Variants in DOCK1 observed in about 807,000 individuals in gnomAD.
DOCK1 encodes dedicator of cytokinesis 1.
A neutral mutation model predicts 262.7 loss-of-function variants in DOCK1; 138 were observed. The observed-to-expected ratio is 0.53, with a 90% confidence interval of 0.46 to 0.61. DOCK1 has a LOEUF of 0.61. Among genes scored for constraint, DOCK1 ranks in the 20% least tolerant of loss-of-function variants. The pLI is 0.00. For missense variants in DOCK1, 1,908 were observed against 2,370.7 expected (o/e 0.80, Z 4.05); for synonymous variants, 866 against 867.4 (o/e 1.00, Z 0.03).
intron 29 of DOCK1, among the ~76,000 whole-genome samples, chr10:127,317,597 C>G (rs930403701): frequency 2.0e-5 from 3 of 152,132 alleles, no homozygotes; most frequent in African/African-American, 7.2e-5. Context: ...GCACATTCAC[C>G]CATTGATAAT....
rs572834677 is a variant in DOCK1 at position 127,000,777 on chromosome 10, C to T, written c.985+470C>T. ...CTCCGCCATGTTGGTGTTCTTCCTC[C>T]GCCATGTTGGTGTTCTTCCTCCGCC... On this transcript the variant is annotated intron_variant, in intron 10 of 51. Transcript: ENST00000623213. 2.2e-3 allele frequency: 352 copies of T among 162,348 alleles called. 2 individuals are homozygous for T. The highest frequency in any genetic ancestry group is 7.5e-3 in the African/African-American group (310 of 41,554). 10.1% of individuals were successfully genotyped at this position (162,348 alleles called of 1,614,324 possible). A position where few individuals can be genotyped will look rare whatever the true frequency, so the allele number is the denominator to read the frequency against.
chr10:126,994,888 G>A (rs897032764), intron 6 of DOCK1, among the ~76,000 whole-genome samples: 5 of 151,880 alleles, frequency 3.3e-5, no homozygotes, highest in African/African-American at 2.4e-5. Context: ...CTTCCCAGAC[G>A]GGGCGGCCGG....
intron 26 of DOCK1, among the ~76,000 whole-genome samples, chr10:127,126,739 G>A (rs2049988220): frequency 6.6e-6 from 1 of 152,090 alleles, no homozygotes; most frequent in Admixed American, 6.6e-5. Flanking sequence ...CTTGCCCCTA[G>A]CCCTGGACAG....
intron 10 of DOCK1, 84 bp downstream of exon 10, chr10:127,000,391 C>G: frequency 6.6e-7 from 1 of 1,514,450 alleles, no homozygotes; most frequent in Non-Finnish European, 8.9e-7. Flanking sequence ...GTTGATTGGA[C>G]AATGCACAGC....
chr10:127,199,254 A>G (rs2057349580), intron 27 of DOCK1, among the ~76,000 whole-genome samples: 1 of 152,158 alleles, frequency 6.6e-6, no homozygotes, highest in Non-Finnish European at 1.5e-5. Context: ...CAAAATATCC[A>G]CGTCTCTCTT....
chr10:127,107,241 G>C (rs2048586329), intron 24 of DOCK1, among the ~76,000 whole-genome samples: 1 of 152,084 alleles, frequency 6.6e-6, no homozygotes, highest in African/African-American at 2.4e-5. Context: ...TTTTTTACCG[G>C]CCAATGAAGC....
rs937520637 is a variant in DOCK1, at chr10:127,302,746, G to T, written c.3045-36260G>T. Among the ~76,000 whole-genome samples, 13 of 97,794 alleles carry T rather than the reference G, an allele frequency of 1.3e-4. No homozygotes were observed. In the South Asian group the frequency reaches 3.9e-3, roughly 29 times the overall value. The allele number at this position is 97,794 out of a possible 152,430, so 64.2% of individuals were successfully genotyped here. A position where few individuals can be genotyped will look rare whatever the true frequency, so the allele number is the denominator to read the frequency against. On this transcript the variant is annotated intron_variant, in intron 29 of 51. Coordinates refer to ENST00000623213, the MANE Select transcript of DOCK1 (RefSeq NM_001290223.2). ...CCTAACTCTGGAAAAGAGGGGGTGT[G>T]TGTGTGTGTGTGTGTGTGTGTGTGT... is the stretch of plus-strand genomic sequence containing the variant.
chr10:127,363,041 CCACA>C (rs1300901734), intron 33 of DOCK1, among the ~76,000 whole-genome samples: 1 of 19,076 alleles, frequency 5.2e-5, no homozygotes, highest in Non-Finnish European at 1.3e-4. Context: ...GCACCTCCCC[CCACA>C]CACACACACG....
At chr10:127,444,603 C>T (rs73373836) in intron 50 of DOCK1, among the ~76,000 whole-genome samples, 4,439 of 152,198 alleles carry the variant, frequency 0.029, 230 homozygotes, top group African/African-American at 0.1. Flanking sequence ...TGCAGGAGGC[C>T]GTGGGCCTGC....
chr10:127,011,733 T>A (rs2041466274), intron 11 of DOCK1, among the ~76,000 whole-genome samples: 1 of 152,024 alleles, frequency 6.6e-6, no homozygotes, highest in East Asian at 1.9e-4. Context: ...ATTGTGTACG[T>A]AGTCCAGGAG....
intron 1 of DOCK1, among the ~76,000 whole-genome samples, chr10:126,947,087 T>A (rs1319009671): frequency 6.6e-6 from 1 of 152,234 alleles, no homozygotes; most frequent in Non-Finnish European, 1.5e-5. Flanking sequence ...CTCCTGCTCT[T>A]TGCCTCAGTC....
At chr10:127,184,399 T>C (rs189777581) in intron 27 of DOCK1, among the ~76,000 whole-genome samples, 3 of 151,232 alleles carry the variant, frequency 2.0e-5, no homozygotes, top group Admixed American at 1.3e-4. Context: ...CCTACTGATT[T>C]CTTCCCTTTA....
rs75903702 is a variant in DOCK1 at position 127,262,154 on chromosome 10, C to T, written c.3044+4725C>T. 4.5e-3 allele frequency among the ~76,000 whole-genome samples: 513 copies of T among 113,046 alleles called. 6 individuals are homozygous for T. Among genetic ancestry groups the T allele is most frequent in the African/African-American group, 0.017 (475 of 28,658 alleles). The allele number at this position is 113,046 out of a possible 152,430, so 74.2% of individuals were successfully genotyped here. On this transcript the variant is annotated intron_variant, in intron 29 of 51. Coordinates refer to ENST00000623213, the MANE Select transcript of DOCK1 (RefSeq NM_001290223.2). ...TACCCGTGCTCGTCTGTGTGTGTACCTGTATGTGTGTGCATGTGGGTGTGT... is the reference window on the plus strand; with the variant it reads ...TACCCGTGCTCGTCTGTGTGTGTACTTGTATGTGTGTGCATGTGGGTGTGT...
At chr10:127,291,136 T>C (rs1234796606) in intron 29 of DOCK1, among the ~76,000 whole-genome samples, 1 of 152,170 alleles carries the variant, frequency 6.6e-6, no homozygotes, top group Admixed American at 6.5e-5. Flanking sequence ...AGACATCCCT[T>C]GTTCTCACTT....
chr10:127,046,545 G>A (rs1457976239), intron 21 of DOCK1, among the ~76,000 whole-genome samples: 1 of 152,040 alleles, frequency 6.6e-6, no homozygotes, highest in Non-Finnish European at 1.5e-5. Context: ...TTTGAGGTCA[G>A]GAGTTCAATA....
intron 1 of DOCK1, among the ~76,000 whole-genome samples, chr10:126,924,986 TGC>T (rs1198571984): frequency 1.3e-5 from 2 of 152,274 alleles, no homozygotes; most frequent in Non-Finnish European, 2.9e-5. Flanking sequence ...TGCACATAGG[TGC>T]ATCAGCTTTG....
chr10:127,091,066 C>G (rs1478857985), intron 23 of DOCK1, among the ~76,000 whole-genome samples: 1 of 150,786 alleles, frequency 6.6e-6, no homozygotes, highest in Non-Finnish European at 1.5e-5. Flanking sequence ...ACTGCAAGCT[C>G]TGCCTCCTGG....
chr10:127,350,524 G>A (rs1014496627), intron 31 of DOCK1, among the ~76,000 whole-genome samples: 1 of 152,184 alleles, frequency 6.6e-6, no homozygotes, highest in African/African-American at 2.4e-5. Flanking sequence ...GAGCCAAGCT[G>A]AGCCCACTGT....
intron 1 of DOCK1, among the ~76,000 whole-genome samples, chr10:126,960,239 G>C (rs2037090588): frequency 6.6e-6 from 1 of 152,102 alleles, no homozygotes; most frequent in Non-Finnish European, 1.5e-5. Flanking sequence ...GGCACTGTTA[G>C]GCATGGCTGC....
Sources: gnomAD v4.1 joint callset for allele counts (sites outside exome capture counted in the v4.1 genomes callset) on GRCh38, gnomAD v4.1.1 for gene constraint, MANE v1.5 for transcripts, NCBI Gene and HGNC (gene_info 2026-07-23, HGNC 2026-07-21) for gene names.